The following CPLANE1 variants were observed in gnomAD, a reference collection of about 807,000 sequenced individuals.
The protein encoded by CPLANE1 is ciliogenesis and planar polarity effector complex subunit 1, also known as ciliogenesis and planar polarity effector 1.
CPLANE1 carries 263 observed loss-of-function variants against 362.5 expected under a neutral mutation model. The observed-to-expected ratio is 0.73, with a 90% CI of 0.66 to 0.80. CPLANE1 has a LOEUF of 0.80. CPLANE1 is among the 30% of genes least tolerant of loss of function. The pLI, the probability that CPLANE1 is intolerant of heterozygous loss-of-function variation, is 0.00. For synonymous variants in CPLANE1, 1,212 were observed against 1,302.6 expected, an observed-to-expected ratio of 0.93 and a Z score of 1.50; for missense variants, 3,461 against 3,793.4, an observed-to-expected ratio of 0.91 and a Z score of 2.30.
At chr5:37,082,767 CA>C in the CPLANE1 span, among the ~76,000 whole-genome samples, 7,968 of 125,514 alleles carry the variant, frequency 0.063, 232 homozygotes, top group Non-Finnish European at 0.096. Flanking sequence ...CGTGGAAACC[CA>C]AAAAAAAAAA....
chr5:37,097,289 CTCAG>C, the CPLANE1 span, among the ~76,000 whole-genome samples: 4 of 152,094 alleles, frequency 2.6e-5, no homozygotes, highest in South Asian at 2.1e-4. Context: ...ATGGAATGTT[CTCAG>C]TCAAACAACA....
intron 16 of CPLANE1, among the ~76,000 whole-genome samples, 168 bp from the exon 17 acceptor site, chr5:37,206,593 A>G (rs1190251638): frequency 2.6e-5 from 4 of 152,190 alleles, no homozygotes; most frequent in African/African-American, 9.7e-5. Flanking sequence ...CACTTTTAAC[A>G]CTGAAGAATG....
At position 37,224,299 on chromosome 5, in the gene CPLANE1, C is replaced by T. The variant is rs1795993420; in HGVS notation, c.2535G>A (p.Lys845=). 1 of 1,549,756 alleles carries T rather than the reference C, an allele frequency of 6.5e-7. No homozygotes were observed. The highest frequency in any genetic ancestry group is 1.2e-5 in the South Asian group (1 of 83,508). ...GAGCTTTTTTCCACAGCTGAACAGA[C>T]TTTTCATATGATCCTAATAAAAAAC... ...EECFLLGSYE[K]SVQLWKKALQ... The change falls in exon 14 of 53, where the codon AAG becomes AAA. Residue 845 remains lysine (K), a synonymous_variant. Coordinates refer to ENST00000651892, the MANE Select transcript of CPLANE1 (RefSeq NM_001384732.1).
intron 33 of CPLANE1, among the ~76,000 whole-genome samples, chr5:37,169,787 C>T (rs537599513): frequency 3.3e-5 from 5 of 151,736 alleles, no homozygotes; most frequent in African/African-American, 1.2e-4. Flanking sequence ...AGTACAGTGA[C>T]ATGATCTCGG....
At chr5:37,159,075 C>A (rs1187495668) in intron 38 of CPLANE1, among the ~76,000 whole-genome samples, 4 of 141,414 alleles carry the variant, frequency 2.8e-5, no homozygotes, top group Admixed American at 7.3e-5. Flanking sequence ...TGAGCCACTG[C>A]GCCCAGCTAA....
intron 37 of CPLANE1, 161 bp from the exon 38 acceptor site, chr5:37,162,727 T>C: frequency 2.1e-6 from 1 of 474,106 alleles, no homozygotes; most frequent in Non-Finnish European, 3.7e-6. Context: ...CTGCCCAGGC[T>C]GGAGTGCAGT....
At chr5:37,232,518 G>A (rs1451809232) in intron 8 of CPLANE1, among the ~76,000 whole-genome samples, 1 of 140,020 alleles carries the variant, frequency 7.1e-6, no homozygotes, top group Non-Finnish European at 1.6e-5. Flanking sequence ...CTCCATCTTG[G>A]GGGAAAAAAA....
chr5:37,086,919 C>T, the CPLANE1 span, among the ~76,000 whole-genome samples: 2 of 152,158 alleles, frequency 1.3e-5, no homozygotes, highest in Non-Finnish European at 2.9e-5. Context: ...GCATGACGGA[C>T]CCCTTGAAAT....
chr5:37,198,288 A>G (rs1444491987), intron 20 of CPLANE1, among the ~76,000 whole-genome samples: 2 of 152,204 alleles, frequency 1.3e-5, no homozygotes, highest in East Asian at 3.9e-4. Flanking sequence ...TGACTAGTGG[A>G]GGCTACCGGA....
chr5:37,084,652 C>T, the CPLANE1 span, among the ~76,000 whole-genome samples: 7 of 151,948 alleles, frequency 4.6e-5, no homozygotes, highest in Admixed American at 2.0e-4. Flanking sequence ...TGGTGGCAAG[C>T]GCCTGTAATC....
chr5:37,121,375 T>G (rs1762582668), intron 49 of CPLANE1, among the ~76,000 whole-genome samples: 1 of 152,216 alleles, frequency 6.6e-6, no homozygotes, highest in Non-Finnish European at 1.5e-5. Flanking sequence ...AATTTCATAC[T>G]TCTGGAATAC....
chr5:37,166,981 G>T, intron 35 of CPLANE1, 66 bp downstream of exon 35: 1 of 1,289,444 alleles, frequency 7.8e-7, no homozygotes, highest in Non-Finnish European at 1.1e-6. Context: ...ATTACTGTGT[G>T]ATTATAAATA....
At chr5:37,085,870 G>A in the CPLANE1 span, 13 of 1,008,906 alleles carry the variant, frequency 1.3e-5, no homozygotes, top group East Asian at 7.1e-5. Context: ...CCTGGGTGAC[G>A]TGTTAAATCT....
At position 37,235,870 on chromosome 5, in the gene CPLANE1, CT is replaced by C. The variant is rs748794675; in HGVS notation, c.938+2986del. Among the ~76,000 whole-genome samples the C allele has an allele frequency of 6.6e-3, 792 of 119,372 alleles. 6 individuals are homozygous for C. The highest frequency in any genetic ancestry group is 0.021 in the African/African-American group (679 of 31,854). The allele number at this position is 119,372 out of a possible 152,430, so 78.3% of individuals were successfully genotyped here. On this transcript the variant is annotated intron_variant, in intron 8 of 52. Transcript: ENST00000651892. Reference sequence around the variant, plus strand: ...CAGGCATGAGCCACTGTGCCCAGCACTTTTTTTTTTTTTTTTTGGACAGAGT... The same window carrying C: ...CAGGCATGAGCCACTGTGCCCAGCACTTTTTTTTTTTTTTTTGGACAGAGT...
chr5:37,147,828 T>A (rs2150512220), intron 43 of CPLANE1, among the ~76,000 whole-genome samples: 1 of 151,920 alleles, frequency 6.6e-6, no homozygotes, highest in East Asian at 1.9e-4. Context: ...CAGCTGATGA[T>A]CACAGACAAA....
intron 15 of CPLANE1, among the ~76,000 whole-genome samples, chr5:37,214,559 CATAAAG>C (rs1204068206): frequency 7.2e-5 from 11 of 152,198 alleles, no homozygotes; most frequent in East Asian, 3.8e-4. Context: ...TGTAAACACA[CATAAAG>C]ATAAAGTATT....
At chr5:37,133,204 TG>T (rs1554055885) in intron 46 of CPLANE1, among the ~76,000 whole-genome samples, 3 of 152,188 alleles carry the variant, frequency 2.0e-5, no homozygotes, top group Non-Finnish European at 4.4e-5. Flanking sequence ...GCAGGTAACA[TG>T]ATGACTCTGG....
the CPLANE1 span, chr5:37,085,118 TA>T: frequency 1.3e-6 from 1 of 748,472 alleles, no homozygotes; most frequent in Non-Finnish European, 2.5e-6. Flanking sequence ...GGATGCTGGA[TA>T]AATTGACCAG....
In CPLANE1 at chr5:37,157,021, T is replaced by G. The variant is rs7720731; in HGVS notation, c.8119+292A>C. Among the ~76,000 whole-genome samples, 1,091 of 152,348 alleles carry G rather than the reference T, an allele frequency of 7.2e-3. 17 individuals are homozygous for G. The highest frequency in any genetic ancestry group is 0.025 in the African/African-American group (1,027 of 41,582). The stretch of plus-strand genomic sequence containing the variant: ...TGAGAATTTCCCACCTTTTACAATA[T>G]GAGAATTGCTTTCTAACATCAAAAC... On this transcript the variant is annotated intron_variant, in intron 41 of 52. Coordinates refer to ENST00000651892, the MANE Select transcript of CPLANE1 (RefSeq NM_001384732.1).
Sources: allele counts gnomAD v4.1 joint callset (sites outside exome capture counted in the v4.1 genomes callset), GRCh38; gene constraint gnomAD v4.1.1; transcripts MANE v1.5; gene names NCBI Gene and HGNC (gene_info 2026-07-23, HGNC 2026-07-21).